Variants in SEMA5B observed in about 807,000 individuals in gnomAD.
SEMA5B encodes the protein semaphorin-5B.
Under a neutral mutation model 135.0 loss-of-function variants are expected in SEMA5B, and 66 were observed. The observed-to-expected ratio is 0.49, with a 90% confidence interval of 0.40 to 0.60. The LOEUF is 0.60. Ranked by LOEUF, SEMA5B falls within the 20% of genes least tolerant of loss-of-function variation. SEMA5B has a pLI of 0.00. For synonymous variants in SEMA5B, 690 were observed against 639.5 expected (o/e 1.08, Z -1.19); for missense variants, 1,501 against 1,566.3 (o/e 0.96, Z 0.70).
intron 12 of SEMA5B, among the ~76,000 whole-genome samples, chr3:122,916,898 A>T (rs1024775640): frequency 1.3e-5 from 2 of 152,172 alleles, no homozygotes; most frequent in African/African-American, 4.8e-5. Flanking sequence ...CCCCAAAATG[A>T]TAACTGGTTC....
chr3:123,010,313 C>T (rs1942409396), intron 1 of SEMA5B, among the ~76,000 whole-genome samples: 1 of 152,170 alleles, frequency 6.6e-6, no homozygotes, highest in African/African-American at 2.4e-5. Context: ...CTTGGTCATA[C>T]CCTTTCTGGA....
intron 1 of SEMA5B, among the ~76,000 whole-genome samples, chr3:122,991,476 G>T (rs79695113): frequency 6.6e-6 from 1 of 151,868 alleles, no homozygotes; most frequent in Non-Finnish European, 1.5e-5. Context: ...GGTGCTACTG[G>T]CATCACACAG....
rs750504291 is a variant in SEMA5B, at chr3:122,911,017, C to T, written c.3120G>A (p.Thr1040=). Residue 1040 remains threonine (T), a synonymous_variant, in exon 22 of 23, where the codon ACG becomes ACA. Transcript: ENST00000357599. The part of the protein sequence containing the change: ...AGFNLIHLVA[T]GISCFLGSGL... ...CAGAGCCCAAGAAGCAGGAGATGCC[C>T]GTGGCCACCAAGTGGATGAGATTGA... 25 of 1,613,374 alleles carry T rather than the reference C, an allele frequency of 1.5e-5. No individual in the cohort carries two copies. Among genetic ancestry groups the T allele is most frequent in the South Asian group, 1.5e-4 (14 of 91,054 alleles).
chr3:122,915,616 C>T lies in SEMA5B; in HGVS notation c.1812G>A (p.Arg604=). 6.2e-7 allele frequency: 1 copy of T among 1,611,554 alleles called. No homozygotes were observed. Among genetic ancestry groups the T allele is most frequent in the Non-Finnish European group, 8.5e-7 (1 of 1,178,336 alleles). ...WTQNITACPV[R]NVTRDGGFGP... is the part of the protein sequence containing the mutation. ...CGAAGCCCCCATCCCGTGTCACATTCCGCACCTGAAGACACACATGGGAGA... is the reference window on the plus strand; with the variant it reads ...CGAAGCCCCCATCCCGTGTCACATTTCGCACCTGAAGACACACATGGGAGA... The change falls in exon 14 of 23, where the codon CGG becomes CGA. Residue 604 remains arginine (R), a synonymous_variant. Coordinates refer to ENST00000357599, the MANE Select transcript of SEMA5B (RefSeq NM_001031702.4).
At chr3:122,997,817 T>A (rs1371256733) in intron 1 of SEMA5B, among the ~76,000 whole-genome samples, 2 of 151,676 alleles carry the variant, frequency 1.3e-5, no homozygotes, top group Admixed American at 6.6e-5. Flanking sequence ...GCCTCTACCC[T>A]CAGGCCAGGA....
intron 1 of SEMA5B, among the ~76,000 whole-genome samples, chr3:123,005,253 C>T (rs1040739025): frequency 6.6e-6 from 1 of 152,216 alleles, no homozygotes. Context: ...AGGACATTAT[C>T]TGTCACCTAT....
At position 122,922,439 on chromosome 3, in the gene SEMA5B, G is replaced by C; in HGVS notation, c.1281C>G (p.Thr427=). 1 of 1,600,482 alleles carries C rather than the reference G, an allele frequency of 6.2e-7. No individual in the cohort carries two copies. The highest frequency in any genetic ancestry group is 8.5e-7 in the Non-Finnish European group (1 of 1,174,196). The change falls in exon 11 of 23, where the codon ACC becomes ACG. Residue 427 remains threonine (T), a synonymous_variant. Transcript: ENST00000357599. ...TCTCGTTGGGACCGGTCTCAGGCAG[G>C]GTGCCACACTGCCGCGGGGAGCCAG... The part of the protein sequence containing the change: ...ANPIPNFQCG[T]LPETGPNENL...
At chr3:122,928,440 C>G in intron 7 of SEMA5B, 77 bp downstream of exon 7, 1 of 1,210,102 alleles carries the variant, frequency 8.3e-7, no homozygotes, top group Non-Finnish European at 1.2e-6. Context: ...GGTAACCCCC[C>G]TTCAAGGCTG....
intron 20 of SEMA5B, 121 bp downstream of exon 20, chr3:122,911,799 C>G (rs540772530): frequency 1.5e-5 from 19 of 1,288,096 alleles, no homozygotes; most frequent in Non-Finnish European, 1.6e-5. Flanking sequence ...TCCTTCCCCC[C>G]ACTTCCATGT....
chr3:122,917,259 A>C (rs1938118412), intron 12 of SEMA5B, among the ~76,000 whole-genome samples: 1 of 152,208 alleles, frequency 6.6e-6, no homozygotes, highest in South Asian at 2.1e-4. Flanking sequence ...GCATGGGCTC[A>C]GAAATTGGAG....
At chr3:122,946,278 G>A (rs1301970254) in intron 3 of SEMA5B, among the ~76,000 whole-genome samples, 5 of 152,140 alleles carry the variant, frequency 3.3e-5, no homozygotes, top group South Asian at 2.1e-4. Flanking sequence ...CCCCCCTTAA[G>A]AGAAACCCAC....
intron 1 of SEMA5B, among the ~76,000 whole-genome samples, chr3:122,974,499 A>T (rs1941242899): frequency 6.6e-6 from 1 of 152,238 alleles, no homozygotes; most frequent in African/African-American, 2.4e-5. Context: ...CCTACAAGGC[A>T]GCTGACTGGT....
intron 1 of SEMA5B, among the ~76,000 whole-genome samples, chr3:123,015,559 G>C (rs1437930839): frequency 6.6e-6 from 1 of 152,176 alleles, no homozygotes; most frequent in Admixed American, 6.6e-5. Flanking sequence ...TGCTGAACTG[G>C]GGAAGAGGTG....
At chr3:123,026,912 G>T (rs1226751309) in intron 1 of SEMA5B, among the ~76,000 whole-genome samples, 1 of 152,228 alleles carries the variant, frequency 6.6e-6, no homozygotes, top group Non-Finnish European at 1.5e-5. Context: ...GGGCAAGAGT[G>T]TCCTGGAGGC....
chr3:122,938,767 T>C (rs143993581), intron 5 of SEMA5B, among the ~76,000 whole-genome samples: 1 of 152,334 alleles, frequency 6.6e-6, no homozygotes, highest in African/African-American at 2.4e-5. Flanking sequence ...GGCCTTCCTT[T>C]CTCTACAATA....
intron 1 of SEMA5B, among the ~76,000 whole-genome samples, chr3:123,012,518 C>A (rs1012210231): frequency 6.6e-6 from 1 of 152,210 alleles, no homozygotes; most frequent in South Asian, 2.1e-4. Flanking sequence ...CCATCCTCCC[C>A]GGTCCTACCC....
chr3:122,924,437 G>C (rs1576338134), intron 9 of SEMA5B, among the ~76,000 whole-genome samples: 1 of 152,108 alleles, frequency 6.6e-6, no homozygotes, highest in Non-Finnish European at 1.5e-5. Flanking sequence ...ATGCTGCATT[G>C]TCCTCCTGGT....
chr3:122,939,980 G>A (rs528661679), intron 4 of SEMA5B, among the ~76,000 whole-genome samples: 6 of 151,808 alleles, frequency 4.0e-5, no homozygotes, highest in South Asian at 2.1e-4. Flanking sequence ...TCCTGAGTCC[G>A]ATTTGTTTGT....
At chr3:122,979,648 G>T (rs1429482562) in intron 1 of SEMA5B, among the ~76,000 whole-genome samples, 1 of 152,094 alleles carries the variant, frequency 6.6e-6, no homozygotes, top group East Asian at 1.9e-4. Context: ...TTTCTGTCCT[G>T]GGATCCAGGT....
Sources: allele counts gnomAD v4.1 joint callset (sites outside exome capture counted in the v4.1 genomes callset), GRCh38; gene constraint gnomAD v4.1.1; transcripts MANE v1.5; gene names NCBI Gene and HGNC (gene_info 2026-07-23, HGNC 2026-07-21).